Variants in AKAP8L observed in about 807,000 individuals in gnomAD.
The protein encoded by AKAP8L is A-kinase anchoring protein 8 like.
AKAP8L carries 34 observed loss-of-function variants against 77.5 expected under a neutral mutation model. The ratio of observed to expected loss-of-function variants is 0.44; its 90% CI spans 0.33 to 0.58. The LOEUF is 0.58. Ranked by LOEUF, AKAP8L falls within the 20% of genes least tolerant of loss-of-function variation. AKAP8L has a pLI of 0.02. For synonymous variants in AKAP8L, 342 were observed against 340.7 expected (o/e 1.00, Z -0.04); for missense variants, 806 against 887.6 (o/e 0.91, Z 1.17).
At position 15,401,059 on chromosome 19, in the gene AKAP8L, G is replaced by A. The variant is rs755450465; in HGVS notation, c.817-16C>T. The A allele has an allele frequency of 3.4e-5, 54 of 1,610,894 alleles. No homozygotes were observed. The Admixed American group carries it at 8.7e-4, about 26-fold the overall frequency. ...TCTTCTTGGTCTGGGTCATAAGGGG[G>A]GGAAGCCGTGTCAGGGTGCATGGCA... is the stretch of plus-strand genomic sequence containing the variant. On this transcript the variant is annotated splice_polypyrimidine_tract_variant and intron_variant, in intron 5 of 13. Transcript: ENST00000397410. The surrounding 1 kb of genome is among the most constrained non-coding windows in gnomAD (Gnocchi z 6.2).
intron 12 of AKAP8L, among the ~76,000 whole-genome samples, chr19:15,389,040 C>T (rs1438934272): frequency 6.7e-6 from 1 of 148,170 alleles, no homozygotes; most frequent in Non-Finnish European, 1.5e-5. Context: ...CGGTGAAACC[C>T]CATCTCTACT....
chr19:15,391,532 TA>T (rs1568264275), intron 12 of AKAP8L, among the ~76,000 whole-genome samples: 68 of 149,046 alleles, frequency 4.6e-4, no homozygotes, highest in African/African-American at 1.6e-3. Flanking sequence ...TTTTTATTTT[TA>T]TTTTATTTTA....
chr19:15,405,780 G>A (rs1487629558), intron 2 of AKAP8L, among the ~76,000 whole-genome samples: 1 of 152,066 alleles, frequency 6.6e-6, no homozygotes, highest in African/African-American at 2.4e-5. Context: ...AAATTAGCCA[G>A]GTGTGGTGGT....
At chr19:15,380,486 G>T in intron 13 of AKAP8L, 31 bp downstream of exon 13, 2 of 1,613,494 alleles carry the variant, frequency 1.2e-6, no homozygotes, top group Non-Finnish European at 1.7e-6. Flanking sequence ...GACTAAGCTG[G>T]GGACAGGGCA....
In AKAP8L at chr19:15,395,506, C is replaced by G. The variant is rs537163266; in HGVS notation, c.1536+1644G>C. On this transcript the variant is annotated intron_variant, in intron 12 of 13. Transcript: ENST00000397410. ...ATTTTTGTATTTTTAGTACAGACAG[C>G]GTTTCACCACGTTGGCCAGGAAGGT... Among the ~76,000 whole-genome samples, 307 of 149,816 alleles carry G rather than the reference C, an allele frequency of 2.0e-3. 1 individual carries two copies. The highest frequency in any genetic ancestry group is 7.1e-3 in the African/African-American group (289 of 40,842).
At chr19:15,416,090 G>C (rs1055224894) in intron 1 of AKAP8L, among the ~76,000 whole-genome samples, 1 of 151,516 alleles carries the variant, frequency 6.6e-6, no homozygotes, top group African/African-American at 2.4e-5. Flanking sequence ...GCCTCCCAAA[G>C]TGTTGTGATT....
intron 12 of AKAP8L, among the ~76,000 whole-genome samples, chr19:15,386,880 A>C (rs1967549542): frequency 6.6e-6 from 1 of 152,074 alleles, no homozygotes; most frequent in South Asian, 2.1e-4. Context: ...GCTGGTCTTG[A>C]ACTCCTGACC....
chr19:15,410,249 G>C (rs1235741853), intron 2 of AKAP8L, among the ~76,000 whole-genome samples: 1 of 152,074 alleles, frequency 6.6e-6, no homozygotes, highest in Non-Finnish European at 1.5e-5. Flanking sequence ...GGCCTCCTTT[G>C]GACTTTAATT....
At position 15,410,565 on chromosome 19, in the gene AKAP8L, G is replaced by A; in HGVS notation, c.43C>T (p.Gln15Ter). 1 of 1,594,296 alleles carries A rather than the reference G, an allele frequency of 6.3e-7. No individual in the cohort carries two copies. The highest frequency in any genetic ancestry group is 1.8e-5 in the Admixed American group (1 of 56,970). Residue 15 changes from glutamine (Q) to a stop codon, truncating the protein, a stop_gained, in exon 2 of 14, where the codon CAG becomes TAG. Transcript: ENST00000397410. LOFTEE classifies it high-confidence loss of function. ...GCGCTGGTATCCGAGTATGTCGACT[G>A]CAAAGTGGTTTCAGATCCCTGGACA... ...GFVQGSETTL[Q>*]STYSDTSAQP...
At chr19:15,392,819 C>A (rs1285233241) in intron 12 of AKAP8L, among the ~76,000 whole-genome samples, 2 of 135,296 alleles carry the variant, frequency 1.5e-5, no homozygotes, top group African/African-American at 5.6e-5. Flanking sequence ...TTGCCTGAAC[C>A]CAGGAGGCGG....
chr19:15,400,295 C>T lies in AKAP8L; in HGVS notation c.1048G>A (p.Gly350Arg), dbSNP rs751057330. 6.2e-7 allele frequency: 1 copy of T among 1,613,924 alleles called. No individual in the cohort carries two copies. The highest frequency in any genetic ancestry group is 8.5e-7 in the Non-Finnish European group (1 of 1,179,812). The change falls in exon 8 of 14, where the codon GGG (glycine) becomes AGG (arginine). Residue 350 changes from glycine to arginine, a missense_variant and splice_region_variant. Around this residue, in one of 2 missense-constraint regions of AKAP8L, gnomAD observed 580 missense variants for 694.1 expected, o/e 0.84. Transcript: ENST00000397410. Reference sequence around the variant, plus strand: ...CACCAGGCACCCCAGGAAAACTCACCCTTCTCTGGATCCTCTTTGCCTTCT... The same window carrying T: ...CACCAGGCACCCCAGGAAAACTCACTCTTCTCTGGATCCTCTTTGCCTTCT... ...REEGKEDPEK[G>R]ALTTQDENGQ...
At chr19:15,386,714 A>C (rs1208978619) in intron 12 of AKAP8L, among the ~76,000 whole-genome samples, 1 of 152,190 alleles carries the variant, frequency 6.6e-6, no homozygotes. Flanking sequence ...GCTGGAGTGC[A>C]ATGGCGTGAT....
intron 12 of AKAP8L, chr19:15,380,839 T>G (rs1450116807): frequency 1.7e-6 from 1 of 571,468 alleles, no homozygotes; most frequent in African/African-American, 1.9e-5. Context: ...AAAATACAGA[T>G]CTATATATCT....
Position 15,399,897 on chromosome 19 carries a change from G to A in AKAP8L, c.1048+398C>T, listed in dbSNP as rs1317897894. The A allele has an allele frequency of 3.0e-6, 1 of 335,978 alleles. No homozygotes were observed. The highest frequency in any genetic ancestry group is 2.1e-5 in the African/African-American group (1 of 47,516). 20.8% of individuals were successfully genotyped at this position (335,978 alleles called of 1,614,324 possible). The stretch of plus-strand genomic sequence containing the variant: ...CAACAGGGGCTGGAGAGGTGCTAAG[G>A]GAGAGGATACGCACACCAGAGCCGT... On this transcript the variant is annotated intron_variant, in intron 8 of 13. Transcript: ENST00000397410. The surrounding 1 kb of genome is among the most constrained non-coding windows in gnomAD (Gnocchi z 6.1).
chr19:15,402,998 C>A (rs936289143), intron 4 of AKAP8L, among the ~76,000 whole-genome samples: 2 of 152,126 alleles, frequency 1.3e-5, no homozygotes, highest in African/African-American at 4.8e-5. Context: ...TTGTAAGGCA[C>A]AGGAGAGTAA....
chr19:15,401,345 G>T lies in AKAP8L; in HGVS notation c.621C>A (p.Ala207=). 1.2e-6 allele frequency: 2 copies of T among 1,613,390 alleles called. No individual in the cohort carries two copies. The highest frequency in any genetic ancestry group is 2.2e-5 in the South Asian group (2 of 91,086). The change falls in exon 5 of 14, where the codon GCC becomes GCA. Residue 207 remains alanine (A), a synonymous_variant. Transcript: ENST00000397410. This position sits in a 1 kb window ranked among gnomAD's most constrained non-coding sequence, Gnocchi z 6.2. ...AGGCACCAGACATGCACTGGCCCCGGGCCCCCATGGGGTCTTCCCACATGC... is the reference window on the plus strand; with the variant it reads ...AGGCACCAGACATGCACTGGCCCCGTGCCCCCATGGGGTCTTCCCACATGC... ...YGRMWEDPMG[A]RGQCMSGASR... is the part of the protein sequence containing the mutation.
At chr19:15,390,671 C>A (rs1967642277) in intron 12 of AKAP8L, among the ~76,000 whole-genome samples, 1 of 152,092 alleles carries the variant, frequency 6.6e-6, no homozygotes, top group Non-Finnish European at 1.5e-5. Flanking sequence ...TGCAAAAATT[C>A]TCAACAAAAT....
rs745658830 is a variant in AKAP8L at position 15,399,453 on chromosome 19, G to C, written c.1049-43C>G. 2 of 1,460,388 alleles carry C rather than the reference G, an allele frequency of 1.4e-6. No homozygotes were observed. The highest frequency in any genetic ancestry group is 2.3e-5 in the South Asian group (2 of 88,044). The allele number at this position is 1,460,388 out of a possible 1,614,324, so 90.5% of individuals were successfully genotyped here. On this transcript the variant is annotated intron_variant, in intron 8 of 13. Transcript: ENST00000397410. This position sits in a 1 kb window ranked among gnomAD's most constrained non-coding sequence, Gnocchi z 6.1. ...CACTGTCACCAATTTGGCTCTGCCA[G>C]GACAGGGCAGGCCCTGCGGCCTCTG...
chr19:15,398,945 C>T lies in AKAP8L; in HGVS notation c.1157+357G>A. 2 of 421,496 alleles carry T rather than the reference C, an allele frequency of 4.7e-6. No homozygotes were observed. Among genetic ancestry groups the T allele is most frequent in the Non-Finnish European group, 7.6e-6 (2 of 264,572 alleles). The allele number at this position is 421,496 out of a possible 1,614,324, so 26.1% of individuals were successfully genotyped here. On this transcript the variant is annotated intron_variant, in intron 9 of 13. Coordinates refer to ENST00000397410, the MANE Select transcript of AKAP8L (RefSeq NM_014371.4). The surrounding 1 kb of genome is among the most constrained non-coding windows in gnomAD (Gnocchi z 9.2). The stretch of plus-strand genomic sequence containing the variant: ...GCAGCTAGCTGGGGCGGCACAGGCG[C>T]CTTGGACCTTGAGTCTCTGATGAGC...
Sources: allele counts gnomAD v4.1 joint callset (sites outside exome capture counted in the v4.1 genomes callset), GRCh38; gene constraint gnomAD v4.1.1; regional missense constraint gnomAD v4.1.1; non-coding constraint Gnocchi (gnomAD v3.1); transcripts MANE v1.5; gene names NCBI Gene and HGNC (gene_info 2026-07-23, HGNC 2026-07-21).